The following LRCH3 variants were observed in gnomAD, a reference collection of about 807,000 sequenced individuals.
LRCH3 encodes DISP complex protein LRCH3.
A neutral mutation model predicts 104.5 loss-of-function variants in LRCH3; 68 were observed. The ratio of observed to expected loss-of-function variants is 0.65; its 90% CI spans 0.54 to 0.80. The LOEUF (loss-of-function observed/expected upper bound fraction) is 0.80, where lower values mean the gene tolerates loss of function less well. Ranked by LOEUF, LRCH3 falls within the 30% of genes least tolerant of loss-of-function variation. LRCH3 has a pLI of 0.00. For missense variants in LRCH3, 951 were observed against 953.9 expected (o/e 1.00, Z 0.04); for synonymous variants, 344 against 361.3 (o/e 0.95, Z 0.54).
In LRCH3 at chr3:197,883,185, C is replaced by T. The variant is rs1713934528; in HGVS notation, c.2209-356C>T. The T allele has an allele frequency of 5.8e-5, 58 of 994,554 alleles. No individual in the cohort carries two copies. The highest frequency in any genetic ancestry group is 6.8e-5 in the Non-Finnish European group (57 of 836,150). 61.6% of individuals were successfully genotyped at this position (994,554 alleles called of 1,614,324 possible). A position where few individuals can be genotyped will look rare whatever the true frequency, so the allele number is the denominator to read the frequency against. ...AGCGTGGAATTGTTTTTCTATTTTT[C>T]ACCTGCCTATTTTATAGACCTGTAT... On this transcript the variant is annotated intron_variant, in intron 20 of 20. Transcript: ENST00000425562. The surrounding 1 kb of genome is among the most constrained non-coding windows in gnomAD (Gnocchi z 4.2).
chr3:197,846,193 A>T (rs1738657489), intron 10 of LRCH3, among the ~76,000 whole-genome samples: 1 of 152,140 alleles, frequency 6.6e-6, no homozygotes, highest in African/African-American at 2.4e-5. Context: ...TTGAAAGCTC[A>T]GGAGTTTGAG....
intron 6 of LRCH3, 44 bp downstream of exon 6, chr3:197,829,717 A>G: frequency 7.4e-7 from 1 of 1,349,714 alleles, no homozygotes; most frequent in East Asian, 2.3e-5. Context: ...TTTTGTACAG[A>G]GAATCAAATA....
chr3:197,878,984 C>T (rs1434753500), intron 20 of LRCH3, among the ~76,000 whole-genome samples: 2 of 152,202 alleles, frequency 1.3e-5, no homozygotes, highest in African/African-American at 4.8e-5. Context: ...TTTCCCTTCT[C>T]TGTGTAACTT....
intron 13 of LRCH3, among the ~76,000 whole-genome samples, chr3:197,853,477 C>T (rs985539081): frequency 2.0e-5 from 3 of 152,178 alleles, no homozygotes; most frequent in African/African-American, 7.2e-5. Flanking sequence ...CACTTAATTC[C>T]ACTGCGCCTG....
intron 20 of LRCH3, among the ~76,000 whole-genome samples, chr3:197,880,020 A>C (rs9758427): frequency 3.4e-5 from 5 of 147,122 alleles, no homozygotes; most frequent in South Asian, 2.1e-4. Flanking sequence ...ATCTCGGCTC[A>C]CTGCAAGCTC....
At chr3:197,836,000 C>T (rs1434076704) in intron 9 of LRCH3, among the ~76,000 whole-genome samples, 178 bp downstream of exon 9, 2 of 152,106 alleles carry the variant, frequency 1.3e-5, no homozygotes, top group East Asian at 3.8e-4. Context: ...AGACAGCAGC[C>T]TCAAGTAGGC....
Position 197,832,387 on chromosome 3 carries a change from C to A in LRCH3, c.1102+70C>A, listed in dbSNP as rs116680584. 4.1e-4 allele frequency: 630 copies of A among 1,530,290 alleles called. No individual in the cohort carries two copies. The African/African-American group carries it at 7.8e-3, about 19-fold the overall frequency. 94.8% of individuals were successfully genotyped at this position (1,530,290 alleles called of 1,614,324 possible). On this transcript the variant is annotated intron_variant, in intron 8 of 20. Transcript: ENST00000425562. ...ACTTTTTAAAGTTGTCTTTTTCATA[C>A]CCACTCCTTTTGTTGGTGTATCTAT...
chr3:197,852,480 T>C, intron 12 of LRCH3, 81 bp from the exon 13 acceptor site: 1 of 1,277,916 alleles, frequency 7.8e-7, no homozygotes, highest in Non-Finnish European at 1.1e-6. Context: ...TGAGTGATTA[T>C]TTTAGTAAAT....
intron 7 of LRCH3, 50 bp downstream of exon 7, chr3:197,830,913 C>A: frequency 7.1e-7 from 1 of 1,406,114 alleles, no homozygotes; most frequent in Non-Finnish European, 1.0e-6. Context: ...TAAGAGAAAA[C>A]AGAATGATGA....
At position 197,877,435 on chromosome 3, in the gene LRCH3, CCAACTCACCGCACCCATGG is replaced by C. The variant is rs1252604180; in HGVS notation, c.2208+1663_2208+1681del. Among the ~76,000 whole-genome samples, 244 of 36,062 alleles carry C rather than the reference CCAACTCACCGCACCCATGG, an allele frequency of 6.8e-3. 10 individuals are homozygous for C. The highest frequency in any genetic ancestry group is 0.03 in the African/African-American group (231 of 7,708). The allele number at this position is 36,062 out of a possible 152,430, so 23.7% of individuals were successfully genotyped here. A position where few individuals can be genotyped will look rare whatever the true frequency, so the allele number is the denominator to read the frequency against. On this transcript the variant is annotated intron_variant, in intron 20 of 20. Coordinates refer to ENST00000425562, the MANE Select transcript of LRCH3 (RefSeq NM_001365715.1). Reference sequence around the variant, plus strand: ...CACCCATGGCAGTGATTCTCTTTACCCAACTCACCGCACCCATGGCAGTGATTCTCTTTACCCAACTCAC... The same window carrying C: ...CACCCATGGCAGTGATTCTCTTTACCCAGTGATTCTCTTTACCCAACTCAC...
chr3:197,830,337 C>T (rs1735765546), intron 6 of LRCH3, among the ~76,000 whole-genome samples: 1 of 152,172 alleles, frequency 6.6e-6, no homozygotes, highest in African/African-American at 2.4e-5. Flanking sequence ...CCACCTCAGC[C>T]TCCTGAGTAT....
intron 9 of LRCH3, among the ~76,000 whole-genome samples, chr3:197,838,060 C>CAA (rs35208899): frequency 4.9e-4 from 70 of 142,888 alleles, no homozygotes; most frequent in African/African-American, 1.6e-3. Flanking sequence ...ATTCTGTATC[C>CAA]AAAAAAAAAA....
At chr3:197,846,578 G>A (rs1220309188) in intron 10 of LRCH3, among the ~76,000 whole-genome samples, 2 of 151,248 alleles carry the variant, frequency 1.3e-5, no homozygotes, top group Non-Finnish European at 2.9e-5. Context: ...AAAGACAGCT[G>A]GGCGTGATGG....
At position 197,876,802 on chromosome 3, in the gene LRCH3, CATGACA is replaced by C. The variant is rs1190742469; in HGVS notation, c.2208+1028_2208+1033del. ...GTTTGGTTCCTGTTCCTGTAGCTTC[CATGACA>C]GTGATTCTCTTTACCCAACTCACCG... is the stretch of plus-strand genomic sequence containing the variant. On this transcript the variant is annotated intron_variant, in intron 20 of 20. Coordinates refer to ENST00000425562, the MANE Select transcript of LRCH3 (RefSeq NM_001365715.1). Among the ~76,000 whole-genome samples, 126 of 144,300 alleles carry C rather than the reference CATGACA, an allele frequency of 8.7e-4. 1 individual carries two copies. The highest frequency in any genetic ancestry group is 3.2e-3 in the African/African-American group (124 of 38,880). 94.7% of individuals were successfully genotyped at this position (144,300 alleles called of 152,430 possible). A position where few individuals can be genotyped will look rare whatever the true frequency, so the allele number is the denominator to read the frequency against.
At chr3:197,824,134 G>A (rs1734819752) in intron 4 of LRCH3, among the ~76,000 whole-genome samples, 2 of 151,024 alleles carry the variant, frequency 1.3e-5, no homozygotes, top group South Asian at 2.1e-4. Flanking sequence ...GCATGATCTT[G>A]GCTCACTGCA....
At chr3:197,831,230 A>G in intron 7 of LRCH3, 1 of 179,748 alleles carries the variant, frequency 5.6e-6, no homozygotes, top group South Asian at 1.2e-4. Flanking sequence ...AGAGACAAGG[A>G]CCTTAGTAAA....
Position 197,832,259 on chromosome 3 carries a change from A to G in LRCH3, c.1044A>G (p.Leu348=), listed in dbSNP as rs1736049058. The change falls in exon 8 of 21, where the codon CTA becomes CTG. Residue 348 remains leucine (L), a synonymous_variant. Coordinates refer to ENST00000425562, the MANE Select transcript of LRCH3 (RefSeq NM_001365715.1). ...RVAEITKEQR[L]RRESQYQENR... ...CAGAGATTACTAAAGAACAAAGACT[A>G]CGAAGAGAAAGCCAGTACCAAGAGA... is the stretch of plus-strand genomic sequence containing the variant. 5 of 1,613,832 alleles carry G rather than the reference A, an allele frequency of 3.1e-6. No homozygotes were observed. Among genetic ancestry groups the G allele is most frequent in the Non-Finnish European group, 4.2e-6 (5 of 1,179,852 alleles).
chr3:197,854,263 G>GTCC lies in LRCH3; in HGVS notation c.1591-126_1591-124dup. 1.3e-6 allele frequency: 1 copy of GTCC among 784,022 alleles called. No individual in the cohort carries two copies. Among genetic ancestry groups the GTCC allele is most frequent in the East Asian group, 2.5e-5 (1 of 40,166 alleles). The allele number at this position is 784,022 out of a possible 1,614,324, so 48.6% of individuals were successfully genotyped here. On this transcript the variant is annotated intron_variant, in intron 13 of 20. Coordinates refer to ENST00000425562, the MANE Select transcript of LRCH3 (RefSeq NM_001365715.1). The surrounding 1 kb of genome is among the most constrained non-coding windows in gnomAD (Gnocchi z 4.5). ...TGAATTCCAGATGATTGTGAATGTG[G>GTCC]TCCTCTATGTCAACGTCTTCAAAAG...
rs372138330 is a variant in LRCH3 at position 197,839,413 on chromosome 3, T to C, written c.1328+16T>C. 6.8e-7 allele frequency: 1 copy of C among 1,479,450 alleles called. No homozygotes were observed. The highest frequency in any genetic ancestry group is 9.2e-7 in the Non-Finnish European group (1 of 1,081,826). 91.6% of individuals were successfully genotyped at this position (1,479,450 alleles called of 1,614,324 possible). A position where few individuals can be genotyped will look rare whatever the true frequency, so the allele number is the denominator to read the frequency against. On this transcript the variant is annotated intron_variant, in intron 10 of 20. Transcript: ENST00000425562. ...ATCAAAACAGGTTTGAAAAACCAAT[T>C]CTACTTAATTTGTTTCTGTCTTAAT... is the stretch of plus-strand genomic sequence containing the variant.
Sources: allele counts gnomAD v4.1 joint callset (sites outside exome capture counted in the v4.1 genomes callset), GRCh38; gene constraint gnomAD v4.1.1; non-coding constraint Gnocchi (gnomAD v3.1); transcripts MANE v1.5; gene names NCBI Gene and HGNC (gene_info 2026-07-23, HGNC 2026-07-21).